Variants in TACC2 observed in about 807,000 individuals in gnomAD.
TACC2 encodes the protein transforming acidic coiled-coil-containing protein 2.
TACC2 carries 137 observed loss-of-function variants against 227.3 expected under a neutral mutation model. The ratio of observed to expected loss-of-function variants is 0.60; its 90% CI spans 0.52 to 0.69. The LOEUF is 0.69. Ranked by LOEUF, TACC2 falls within the 30% of genes least tolerant of loss-of-function variation. The pLI is 0.00. For missense variants in TACC2, 3,470 were observed against 3,694.4 expected (o/e 0.94, Z 1.57); for synonymous variants, 1,523 against 1,487.5 (o/e 1.02, Z -0.55).
chr10:122,177,467 G>T (rs757990778), intron 7 of TACC2, among the ~76,000 whole-genome samples: 4 of 152,112 alleles, frequency 2.6e-5, no homozygotes, highest in Non-Finnish European at 4.4e-5. Context: ...TGCTTGGGAG[G>T]CTGAGGCAGG....
intron 10 of TACC2, 40 bp from the exon 11 acceptor site, chr10:122,216,587 A>G: frequency 6.3e-7 from 1 of 1,596,314 alleles, no homozygotes; most frequent in Non-Finnish European, 8.5e-7. Context: ...TCTGACCAAG[A>G]GTCTGATGAG....
At chr10:122,024,994 T>C (rs144089226) in intron 2 of TACC2, among the ~76,000 whole-genome samples, 72 of 152,326 alleles carry the variant, frequency 4.7e-4, no homozygotes, top group Middle Eastern at 3.4e-3. Context: ...TGACAAACTT[T>C]TCTAGAGTTG....
In TACC2 at chr10:122,084,808, T is replaced by A; in HGVS notation, c.2308T>A (p.Ser770Thr). Residue 770 changes from serine (S) to threonine (T), a missense_variant, in exon 4 of 23, where the codon TCG becomes ACG. By Grantham distance (58) the Ser-to-Thr change is moderately conservative. Transcript: ENST00000369005. Reference protein sequence around the residue: ...DQPRGPACDASRQEFHAGVPH... With the variant: ...DQPRGPACDATRQEFHAGVPH... Reference sequence around the variant, plus strand: ...ACCCCGCGGGCCGGCGTGTGATGCGTCGAGACAGGAATTTCATGCTGGGGT... The same window carrying A: ...ACCCCGCGGGCCGGCGTGTGATGCGACGAGACAGGAATTTCATGCTGGGGT... 1 of 1,613,596 alleles carries A rather than the reference T, an allele frequency of 6.2e-7. No individual in the cohort carries two copies. The highest frequency in any genetic ancestry group is 8.5e-7 in the Non-Finnish European group (1 of 1,180,002).
chr10:122,084,140 C>G lies in TACC2; in HGVS notation c.1640C>G (p.Pro547Arg), dbSNP rs142141564. The G allele has an allele frequency of 6.2e-7, 1 of 1,614,062 alleles. No individual in the cohort carries two copies. The highest frequency in any genetic ancestry group is 8.5e-7 in the Non-Finnish European group (1 of 1,180,012). ...KAPSESARGP[P>R]GPTDGAKVHE... ...CCAAGTGAAAGTGCCAGAGGGCCAC[C>G]GGGGCCAACGGATGGAGCCAAGGTC... The change falls in exon 4 of 23, where the codon CCG becomes CGG. Residue 547 changes from proline to arginine, a missense_variant. Coordinates refer to ENST00000369005, the MANE Select transcript of TACC2 (RefSeq NM_206862.4).
chr10:122,140,885 C>T lies in TACC2; in HGVS notation c.5700-2687C>T, dbSNP rs370405299. On this transcript the variant is annotated intron_variant, in intron 6 of 22. Transcript: ENST00000369005. ...ACTAGGCTCCTGGAGGACCAGCTTC[C>T]GAATGCCGTGGAAAGTCAGGGAGGG... 7.2e-5 allele frequency among the ~76,000 whole-genome samples: 11 copies of T among 152,234 alleles called. No individual in the cohort carries two copies. In the East Asian group the frequency reaches 1.5e-3, roughly 21 times the overall value.
Position 122,059,060 on chromosome 10 carries a change from TTTGTTG to T in TACC2, c.146+8536_146+8541del, listed in dbSNP as rs66524910. On this transcript the variant is annotated intron_variant, in intron 3 of 22. Coordinates refer to ENST00000369005, the MANE Select transcript of TACC2 (RefSeq NM_206862.4). ...GGCGCCTGCCACTACGCCTGGCTAA[TTTGTTG>T]TTGTTGTTGTTGTTGTTGTTGTTGT... Among the ~76,000 whole-genome samples, 97 of 70,202 alleles carry T rather than the reference TTTGTTG, an allele frequency of 1.4e-3. 2 individuals carry two copies. The highest frequency in any genetic ancestry group is 6.8e-3 in the Middle Eastern group (1 of 148). The allele number at this position is 70,202 out of a possible 152,430, so 46.1% of individuals were successfully genotyped here. A position where few individuals can be genotyped will look rare whatever the true frequency, so the allele number is the denominator to read the frequency against.
intron 2 of TACC2, among the ~76,000 whole-genome samples, chr10:122,034,345 G>A (rs1215102706): frequency 9.2e-5 from 14 of 152,082 alleles, no homozygotes; most frequent in Admixed American, 9.2e-4. Flanking sequence ...ATTATTCCAT[G>A]AGCTGGGCTG....
chr10:122,143,781 T>A, intron 7 of TACC2, 75 bp downstream of exon 7: 2 of 1,507,586 alleles, frequency 1.3e-6, no homozygotes, highest in Non-Finnish European at 1.8e-6. Flanking sequence ...CCCTAGGTCT[T>A]GGGGTGAGCC....
chr10:122,008,524 T>A (rs766122738), intron 1 of TACC2, among the ~76,000 whole-genome samples: 40 of 151,980 alleles, frequency 2.6e-4, no homozygotes, highest in Non-Finnish European at 1.0e-4. Flanking sequence ...CCTCCCAAAG[T>A]CCTGGGATTA....
chr10:122,229,805 TCAC>T (rs2141418714), intron 15 of TACC2, among the ~76,000 whole-genome samples: 1 of 152,262 alleles, frequency 6.6e-6, no homozygotes, highest in East Asian at 1.9e-4. Flanking sequence ...GAATATTAGA[TCAC>T]CACTGAGCCA....
chr10:122,237,432 A>G lies in TACC2; in HGVS notation c.8165A>G (p.Lys2722Arg), dbSNP rs1232416465. The G allele has an allele frequency of 6.2e-7, 1 of 1,613,924 alleles. No homozygotes were observed. Among genetic ancestry groups the G allele is most frequent in the East Asian group, 2.2e-5 (1 of 44,860 alleles). The change falls in exon 17 of 23, where the codon AAA becomes AGA. Residue 2722 changes from lysine (K) to arginine (R), a missense_variant. Lys to Arg is a conservative substitution (Grantham distance 26, BLOSUM62 2). This residue lies in a region of TACC2 where 345 missense variants were observed against 354.4 expected (regional missense o/e 0.97). Transcript: ENST00000369005. ...CACCCAACAGACGTCTCCATCTCCA[A>G]AACAGCCTTGTACTCCCGCATCGGG... ...AAHPTDVSIS[K>R]TALYSRIGTA... is the part of the protein sequence containing the mutation.
intron 5 of TACC2, among the ~76,000 whole-genome samples, chr10:122,122,715 C>G (rs1297125481): frequency 6.6e-6 from 1 of 152,080 alleles, no homozygotes; most frequent in Non-Finnish European, 1.5e-5. Flanking sequence ...GGGTCCCAGT[C>G]CTGACTCTGT....
intron 7 of TACC2, among the ~76,000 whole-genome samples, chr10:122,188,883 G>A (rs2094310891): frequency 6.6e-6 from 1 of 152,230 alleles, no homozygotes; most frequent in African/African-American, 2.4e-5. Context: ...GCAGCCGTAG[G>A]TGTCAGCCTG....
chr10:122,176,769 A>T (rs1057352450), intron 7 of TACC2, among the ~76,000 whole-genome samples: 1 of 152,234 alleles, frequency 6.6e-6, no homozygotes, highest in African/African-American at 2.4e-5. Flanking sequence ...TACAAATTAA[A>T]TGGACATAAA....
At chr10:122,243,578 A>G (rs961090039) in intron 19 of TACC2, among the ~76,000 whole-genome samples, 5 of 152,212 alleles carry the variant, frequency 3.3e-5, no homozygotes, top group Admixed American at 3.3e-4. Flanking sequence ...CTTCTTTATT[A>G]AATTGGTATA....
chr10:122,252,002 T>G (rs992427611), intron 22 of TACC2, among the ~76,000 whole-genome samples: 1 of 152,244 alleles, frequency 6.6e-6, no homozygotes. Flanking sequence ...ATGGAGGCGC[T>G]GGGCATTTCG....
intron 2 of TACC2, among the ~76,000 whole-genome samples, chr10:122,035,036 C>T (rs1052000268): frequency 6.6e-6 from 1 of 151,998 alleles, no homozygotes; most frequent in Non-Finnish European, 1.5e-5. Flanking sequence ...GGACAAGGAA[C>T]TTGCTCACTG....
intron 5 of TACC2, among the ~76,000 whole-genome samples, chr10:122,101,888 T>TA (rs1296918508): frequency 4.6e-5 from 7 of 150,896 alleles, no homozygotes; most frequent in Non-Finnish European, 1.0e-4. Context: ...ATCCTTTTTT[T>TA]AAAAAAAAGA....
At position 122,205,739 on chromosome 10, in the gene TACC2, G is replaced by A. The variant is rs2095081942; in HGVS notation, c.5972-4658G>A. On this transcript the variant is annotated intron_variant, in intron 8 of 22. Coordinates refer to ENST00000369005, the MANE Select transcript of TACC2 (RefSeq NM_206862.4). This position sits in a 1 kb window ranked among gnomAD's most constrained non-coding sequence, Gnocchi z 4.5. ...GAAGGGGCGGATGGAGGCGGAGTCT[G>A]GGGTTTTAATGAGTGTCTCAGGTGT... 6.6e-6 allele frequency among the ~76,000 whole-genome samples: 1 copy of A among 152,162 alleles called. No homozygotes were observed. The highest frequency in any genetic ancestry group is 6.5e-5 in the Admixed American group (1 of 15,284).
Sources: gnomAD v4.1 joint callset for allele counts (sites outside exome capture counted in the v4.1 genomes callset) on GRCh38, gnomAD v4.1.1 for gene constraint, gnomAD v4.1.1 regional missense constraint, Gnocchi (gnomAD v3.1) non-coding constraint, MANE v1.5 for transcripts, NCBI Gene and HGNC (gene_info 2026-07-23, HGNC 2026-07-21) for gene names.